PDE4D: variants seen among roughly 807,000 people sequenced by gnomAD.
PDE4D encodes phosphodiesterase 4D, also known as 3',5'-cyclic-AMP phosphodiesterase 4D.
A neutral mutation model predicts 87.4 loss-of-function variants in PDE4D; 24 were observed. The observed-to-expected ratio is 0.27, with a 90% confidence interval of 0.20 to 0.39. PDE4D has a LOEUF of 0.39. Ranked by LOEUF, PDE4D falls within the 10% of genes least tolerant of loss-of-function variation. PDE4D has a pLI of 1.00. For synonymous variants in PDE4D, 384 were observed against 383.2 expected (o/e 1.00, Z -0.02); for missense variants, 714 against 1,041.0 (o/e 0.69, Z 4.32).
intron 1 of PDE4D, among the ~76,000 whole-genome samples, chr5:60,437,557 A>G (rs1744859807): frequency 6.6e-6 from 1 of 152,100 alleles, no homozygotes. Flanking sequence ...GTTTCCCAAT[A>G]ACCTACTGGT....
intron 1 of PDE4D, among the ~76,000 whole-genome samples, chr5:59,779,309 T>C (rs1004433241): frequency 6.6e-6 from 1 of 152,200 alleles, no homozygotes; most frequent in Non-Finnish European, 1.5e-5. Context: ...TCTGTAGCCC[T>C]CCATCCCCAA....
chr5:59,416,815 T>C (rs920649416), intron 1 of PDE4D, among the ~76,000 whole-genome samples: 23 of 152,192 alleles, frequency 1.5e-4, no homozygotes, highest in African/African-American at 4.6e-4. Context: ...GCCAGCTCTC[T>C]TGACATACTT....
chr5:60,049,956 TC>T (rs1194317877), intron 2 of PDE4D, among the ~76,000 whole-genome samples: 2 of 152,076 alleles, frequency 1.3e-5, no homozygotes, highest in African/African-American at 4.8e-5. Context: ...TGGGCGCCCC[TC>T]CCCCAGCCTC....
chr5:60,026,504 C>A (rs1766633974), intron 2 of PDE4D, among the ~76,000 whole-genome samples: 1 of 152,080 alleles, frequency 6.6e-6, no homozygotes, highest in South Asian at 2.1e-4. Flanking sequence ...AACACCAAGA[C>A]AAGAAAAAGT....
At chr5:59,131,670 C>G (rs938173791) in intron 5 of PDE4D, among the ~76,000 whole-genome samples, 2 of 149,382 alleles carry the variant, frequency 1.3e-5, no homozygotes, top group African/African-American at 5.0e-5. Context: ...TCTAAGCCCC[C>G]CATGGGAGAT....
intron 2 of PDE4D, among the ~76,000 whole-genome samples, chr5:60,152,192 T>G (rs1403534810): frequency 6.6e-6 from 1 of 152,198 alleles, no homozygotes; most frequent in African/African-American, 2.4e-5. Context: ...TCTATATTTA[T>G]CAGAAATATT....
chr5:59,020,913 T>C (rs1367441143), intron 6 of PDE4D, among the ~76,000 whole-genome samples: 2 of 152,318 alleles, frequency 1.3e-5, no homozygotes, highest in East Asian at 3.9e-4. Context: ...TTCTCATTCA[T>C]TCCTCTGTTT....
intron 1 of PDE4D, among the ~76,000 whole-genome samples, chr5:59,718,676 A>G (rs771912145): frequency 6.6e-6 from 1 of 152,198 alleles, no homozygotes; most frequent in African/African-American, 2.4e-5. Context: ...GCTGTTAGAA[A>G]GATCTCGAGA....
intron 1 of PDE4D, among the ~76,000 whole-genome samples, chr5:60,334,396 G>A (rs1159356363): frequency 6.6e-6 from 1 of 152,090 alleles, no homozygotes; most frequent in Non-Finnish European, 1.5e-5. Context: ...ATCTTGTCAA[G>A]CTAGTGAGTA....
chr5:60,395,604 A>G (rs970714914), intron 1 of PDE4D, among the ~76,000 whole-genome samples: 2 of 152,204 alleles, frequency 1.3e-5, no homozygotes, highest in African/African-American at 4.8e-5. Context: ...AAATGTAATA[A>G]GTAGTGAGGC....
intron 1 of PDE4D, among the ~76,000 whole-genome samples, chr5:59,386,135 C>T (rs769775628): frequency 6.6e-5 from 10 of 152,294 alleles, no homozygotes; most frequent in African/African-American, 2.4e-4. Flanking sequence ...ATAATATGAA[C>T]ATATGGTCCA....
intron 1 of PDE4D, among the ~76,000 whole-genome samples, chr5:60,189,074 TA>T (rs1325771061): frequency 3.3e-5 from 5 of 152,286 alleles, no homozygotes; most frequent in South Asian, 4.1e-4. Context: ...CCAGGTGCAC[TA>T]AAAAGAAAGC....
intron 1 of PDE4D, among the ~76,000 whole-genome samples, chr5:59,260,144 C>T (rs531817765): frequency 6.6e-5 from 10 of 151,558 alleles, no homozygotes; most frequent in Non-Finnish European, 1.3e-4. Flanking sequence ...TCTTTTTCTC[C>T]CCAAGTTGGT....
In PDE4D at chr5:60,003,155, A is replaced by G. The variant is rs939907807; in HGVS notation, c.43-14438T>C. Among the ~76,000 whole-genome samples the G allele has an allele frequency of 2.0e-5, 3 of 152,326 alleles. No homozygotes were observed. In the South Asian group the frequency reaches 6.2e-4, roughly 32 times the overall value. On this transcript the variant is annotated intron_variant, in intron 2 of 16. Coordinates refer to the PDE4D transcript ENST00000502484. Reference sequence around the variant, plus strand: ...ATTAAGAAAAACAATCCCATTTAATAATATCTAAAAGAACAAAATACTTAG... The same window carrying G: ...ATTAAGAAAAACAATCCCATTTAATGATATCTAAAAGAACAAAATACTTAG...
chr5:59,568,470 G>A (rs1821304847), intron 1 of PDE4D, among the ~76,000 whole-genome samples: 1 of 152,072 alleles, frequency 6.6e-6, no homozygotes, highest in Non-Finnish European at 1.5e-5. Context: ...TGTTTATCAT[G>A]ACTTCCTTCC....
intron 5 of PDE4D, among the ~76,000 whole-genome samples, chr5:59,177,174 C>T (rs1377466204): frequency 6.6e-6 from 1 of 152,122 alleles, no homozygotes; most frequent in Non-Finnish European, 1.5e-5. Context: ...GTGGAGCACT[C>T]AACACTCACA....
At chr5:60,378,648 T>A (rs1374626083) in intron 1 of PDE4D, among the ~76,000 whole-genome samples, 1 of 151,926 alleles carries the variant, frequency 6.6e-6, no homozygotes, top group Non-Finnish European at 1.5e-5. Flanking sequence ...TGTCAGGAGT[T>A]CAAGACCAGC....
At chr5:59,719,609 C>T (rs1037596112) in intron 1 of PDE4D, among the ~76,000 whole-genome samples, 1 of 152,136 alleles carries the variant, frequency 6.6e-6, no homozygotes. Context: ...TGTATCTCAC[C>T]TTAAGCAAAC....
At chr5:59,108,953 CAATGTGTGTGTGTGTG>C (rs1050351263) in intron 5 of PDE4D, among the ~76,000 whole-genome samples, 13 of 94,424 alleles carry the variant, frequency 1.4e-4, no homozygotes, top group Admixed American at 4.5e-4. Context: ...CATAGGAACT[CAATGTGTGTGTGTGTG>C]TGTGTGTGTG....
Sources: allele counts gnomAD v4.1 joint callset (sites outside exome capture counted in the v4.1 genomes callset), GRCh38; gene constraint gnomAD v4.1.1; transcripts MANE v1.5; gene names NCBI Gene and HGNC (gene_info 2026-07-23, HGNC 2026-07-21).